Variants in MGST1 observed in about 807,000 individuals in gnomAD.
MGST1 encodes microsomal glutathione S-transferase 1.
Under a neutral mutation model 8.9 loss-of-function variants are expected in MGST1, and 5 were observed. That is an observed-to-expected ratio of 0.56 (90% CI 0.29 to 1.19). MGST1 has a LOEUF of 1.19. Among genes scored for constraint, MGST1 ranks in the 50% most tolerant of loss-of-function variants. The pLI is 0.08. For synonymous variants in MGST1, 54 were observed against 67.8 expected (o/e 0.80, Z 1.00); for missense variants, 182 against 187.4 (o/e 0.97, Z 0.17).
chr12:16,531,853 A>G (rs1941725953), intron 4 of MGST1, among the ~76,000 whole-genome samples: 1 of 152,166 alleles, frequency 6.6e-6, no homozygotes, highest in African/African-American at 2.4e-5. Context: ...GGGTCACATC[A>G]GTATAAAGAG....
chr12:16,470,376 T>C (rs1397492991), intron 4 of MGST1, among the ~76,000 whole-genome samples: 1 of 152,254 alleles, frequency 6.6e-6, no homozygotes, highest in African/African-American at 2.4e-5. Context: ...AGGTTGAGTT[T>C]GCTTTTTTGA....
chr12:16,370,698 A>C (rs550648826), intron 3 of MGST1, among the ~76,000 whole-genome samples: 1 of 152,288 alleles, frequency 6.6e-6, no homozygotes, highest in East Asian at 1.9e-4. Context: ...TACACATGAG[A>C]AACCCAGGCA....
At chr12:16,414,514 C>T (rs1012205624) in intron 1 of MGST1, among the ~76,000 whole-genome samples, 6 of 151,732 alleles carry the variant, frequency 4.0e-5, no homozygotes, top group Non-Finnish European at 8.8e-5. Context: ...CTCCCGGGTT[C>T]ACACCATTCT....
At chr12:16,425,192 G>A (rs1372275757) in intron 1 of MGST1, among the ~76,000 whole-genome samples, 1 of 152,038 alleles carries the variant, frequency 6.6e-6, no homozygotes, top group African/African-American at 2.4e-5. Flanking sequence ...TCTACTTAAG[G>A]ACAGTAAGGT....
chr12:16,412,245 C>A (rs1940748393), intron 1 of MGST1, among the ~76,000 whole-genome samples: 1 of 152,178 alleles, frequency 6.6e-6, no homozygotes, highest in African/African-American at 2.4e-5. Context: ...ATCATACTTA[C>A]ATCTGTAATG....
intron 4 of MGST1, among the ~76,000 whole-genome samples, chr12:16,457,119 C>G (rs1941179818): frequency 6.6e-6 from 1 of 151,918 alleles, no homozygotes; most frequent in Non-Finnish European, 1.5e-5. Context: ...CTGCATGGGT[C>G]TTCTCATATC....
intron 1 of MGST1, among the ~76,000 whole-genome samples, chr12:16,353,194 C>T (rs570534822): frequency 2.0e-5 from 3 of 151,920 alleles, no homozygotes; most frequent in South Asian, 2.1e-4. Context: ...CCACCACACC[C>T]GGCTAATTTT....
chr12:16,370,205 A>G (rs1479926205), intron 3 of MGST1: 1 of 152,198 alleles, frequency 6.6e-6, no homozygotes, highest in Admixed American at 6.5e-5. Flanking sequence ...CAAACTAAGT[A>G]AAAAACACAA....
intron 4 of MGST1, among the ~76,000 whole-genome samples, chr12:16,488,590 A>G (rs1941415683): frequency 1.3e-5 from 2 of 152,168 alleles, no homozygotes; most frequent in Non-Finnish European, 2.9e-5. Flanking sequence ...TTTCTTTTTC[A>G]TATAGTCCCC....
In MGST1 at chr12:16,389,457, G is replaced by A. The variant is rs1160461431; in HGVS notation, n.778+5853G>A. 4.6e-5 allele frequency among the ~76,000 whole-genome samples: 7 copies of A among 152,094 alleles called. No homozygotes were observed. The highest frequency in any genetic ancestry group is 2.1e-4 in the South Asian group (1 of 4,818). On this transcript the variant is annotated intron_variant and non_coding_transcript_variant, in intron 1 of 1. Coordinates refer to the MGST1 transcript ENST00000359720. The surrounding 1 kb of genome is among the most constrained non-coding windows in gnomAD (Gnocchi z 4.6). Reference sequence around the variant, plus strand: ...TGTCTTTTTTGTGATTCCATGGGTCGGGTCAAATTGACGGCACGGAACATT... The same window carrying A: ...TGTCTTTTTTGTGATTCCATGGGTCAGGTCAAATTGACGGCACGGAACATT...
intron 1 of MGST1, among the ~76,000 whole-genome samples, chr12:16,415,953 G>A (rs1179771180): frequency 6.6e-6 from 1 of 152,092 alleles, no homozygotes; most frequent in Non-Finnish European, 1.5e-5. Context: ...CCATAATCAA[G>A]AAATAATCTT....
intron 1 of MGST1, among the ~76,000 whole-genome samples, chr12:16,349,743 C>CTTTT (rs760899357): frequency 8.6e-5 from 11 of 127,392 alleles, no homozygotes; most frequent in African/African-American, 2.7e-4. Context: ...CCCAGAGCTT[C>CTTTT]TTTTTTTTTT....
At chr12:16,382,538 G>A (rs1046247214), upstream of MGST1, among the ~76,000 whole-genome samples, 9 of 152,142 alleles carry the variant, frequency 5.9e-5, no homozygotes, top group Non-Finnish European at 1.2e-4. Flanking sequence ...TGAGGTGTCA[G>A]TCCGCCCCTA....
intron 4 of MGST1, among the ~76,000 whole-genome samples, chr12:16,443,990 G>A (rs1033461097): frequency 1.6e-4 from 24 of 151,856 alleles, no homozygotes; most frequent in Admixed American, 1.2e-3. Flanking sequence ...GAGAAACAGA[G>A]CTATAATTTT....
At chr12:16,518,019 C>T (rs1275365715) in intron 4 of MGST1, among the ~76,000 whole-genome samples, 1 of 152,194 alleles carries the variant, frequency 6.6e-6, no homozygotes, top group Non-Finnish European at 1.5e-5. Context: ...AGGTCTTCAA[C>T]ATGGAAGAAT....
chr12:16,397,800 G>C (rs1369450180), intron 1 of MGST1, among the ~76,000 whole-genome samples: 1 of 144,306 alleles, frequency 6.9e-6, no homozygotes, highest in African/African-American at 2.5e-5. Context: ...TGGTATTGCT[G>C]TATATATTTA....
chr12:16,487,568 G>A (rs1042352646), intron 4 of MGST1, among the ~76,000 whole-genome samples: 5 of 152,186 alleles, frequency 3.3e-5, no homozygotes, highest in Non-Finnish European at 5.9e-5. Context: ...AGGAAGAAAA[G>A]GGTAAAGGCA....
intron 4 of MGST1, among the ~76,000 whole-genome samples, chr12:16,540,089 C>G (rs148557311): frequency 6.6e-6 from 1 of 152,188 alleles, no homozygotes; most frequent in African/African-American, 2.4e-5. Context: ...GTTGAGCACT[C>G]CTTCCTCCCT....
chr12:16,375,387 T>C (rs539824501), intron 3 of MGST1, among the ~76,000 whole-genome samples: 1 of 152,196 alleles, frequency 6.6e-6, no homozygotes, highest in South Asian at 2.1e-4. Flanking sequence ...TTCCTAAACA[T>C]TGAAAGTAAA....
Sources: gnomAD v4.1 joint callset for allele counts (sites outside exome capture counted in the v4.1 genomes callset) on GRCh38, gnomAD v4.1.1 for gene constraint, Gnocchi (gnomAD v3.1) non-coding constraint, MANE v1.5 for transcripts, NCBI Gene and HGNC (gene_info 2026-07-23, HGNC 2026-07-21) for gene names.